CCDC171: variants seen among roughly 807,000 people sequenced by gnomAD.
The protein encoded by CCDC171 is coiled-coil domain-containing protein 171.
In CCDC171, 177 loss-of-function variants were observed where a neutral mutation model predicts 168.2. The ratio of observed to expected loss-of-function variants is 1.05; its 90% CI spans 0.93 to 1.19. The LOEUF (loss-of-function observed/expected upper bound fraction) is 1.19, where lower values mean the gene tolerates loss of function less well. Among genes scored for constraint, CCDC171 ranks in the 50% most tolerant of loss-of-function variants. The pLI, the probability that CCDC171 is intolerant of heterozygous loss-of-function variation, is 0.00. For missense variants in CCDC171, 1,991 were observed against 1,539.0 expected, an observed-to-expected ratio of 1.29 and a Z score of -4.91; for synonymous variants, 687 against 540.8, an observed-to-expected ratio of 1.27 and a Z score of -3.75.
At chr9:15,847,655 C>T (rs1230586212) in intron 22 of CCDC171, among the ~76,000 whole-genome samples, 1 of 152,004 alleles carries the variant, frequency 6.6e-6, no homozygotes, top group Non-Finnish European at 1.5e-5. Flanking sequence ...ATTTAGAATT[C>T]TGAATTTCTT....
At chr9:16,015,195 C>G (rs1027598823) in intron 3 of CCDC171, among the ~76,000 whole-genome samples, 3 of 152,188 alleles carry the variant, frequency 2.0e-5, no homozygotes, top group Non-Finnish European at 4.4e-5. Flanking sequence ...GCTGCAGCTT[C>G]TACGTCGGCA....
chr9:15,847,414 T>C (rs1216351026), intron 22 of CCDC171, among the ~76,000 whole-genome samples: 2 of 152,222 alleles, frequency 1.3e-5, no homozygotes, highest in African/African-American at 4.8e-5. Flanking sequence ...TAGACCACTA[T>C]GTAAATGTGA....
At chr9:15,864,228 A>G (rs576014964) in intron 23 of CCDC171, among the ~76,000 whole-genome samples, 14 of 152,152 alleles carry the variant, frequency 9.2e-5, no homozygotes, top group Non-Finnish European at 1.6e-4. Flanking sequence ...TTTTGCCAAC[A>G]TCAATCTCTA....
chr9:15,992,400 A>G (rs1472152802), intron 3 of CCDC171, among the ~76,000 whole-genome samples: 1 of 152,238 alleles, frequency 6.6e-6, no homozygotes, highest in Non-Finnish European at 1.5e-5. Flanking sequence ...ACAGCTCTTC[A>G]TGCTAAAAAC....
At chr9:15,869,621 G>A (rs2061945686) in intron 23 of CCDC171, among the ~76,000 whole-genome samples, 1 of 150,918 alleles carries the variant, frequency 6.6e-6, no homozygotes, top group Admixed American at 6.6e-5. Context: ...TCTCCAGTAT[G>A]CCTTTTCTAC....
the CCDC171 span, among the ~76,000 whole-genome samples, chr9:16,071,821 C>T: frequency 6.6e-6 from 1 of 152,162 alleles, no homozygotes; most frequent in Non-Finnish European, 1.5e-5. Flanking sequence ...AGTCTGAGAG[C>T]TCATTGGGAT....
chr9:15,694,781 C>G (rs532020103), intron 10 of CCDC171, among the ~76,000 whole-genome samples: 2 of 152,194 alleles, frequency 1.3e-5, no homozygotes, highest in East Asian at 3.8e-4. Flanking sequence ...TGTCAATACC[C>G]TAGACCAAAG....
At chr9:15,882,856 TTTTA>T (rs141024377) in intron 24 of CCDC171, among the ~76,000 whole-genome samples, 12,627 of 151,412 alleles carry the variant, frequency 0.083, 559 homozygotes, top group Middle Eastern at 0.1. Flanking sequence ...TTTCTAGGTT[TTTTA>T]TTTGTTTGTT....
At chr9:15,771,116 AT>A (rs2056990794) in intron 18 of CCDC171, among the ~76,000 whole-genome samples, 1 of 152,110 alleles carries the variant, frequency 6.6e-6, no homozygotes, top group Non-Finnish European at 1.5e-5. Context: ...TTTGATGAGT[AT>A]TTATTTTTTC....
chr9:15,757,082 A>C (rs2056168319), intron 18 of CCDC171, among the ~76,000 whole-genome samples: 1 of 152,210 alleles, frequency 6.6e-6, no homozygotes, highest in Non-Finnish European at 1.5e-5. Context: ...GTTGCTGAAA[A>C]GATACCTGAA....
intron 7 of CCDC171, among the ~76,000 whole-genome samples, chr9:15,629,640 A>G (rs1285153097): frequency 6.6e-6 from 1 of 152,196 alleles, no homozygotes; most frequent in Non-Finnish European, 1.5e-5. Flanking sequence ...CAATCTAGCA[A>G]GGCAGGCCAA....
chr9:15,940,639 C>G (rs1286971555), intron 25 of CCDC171, among the ~76,000 whole-genome samples: 3 of 151,970 alleles, frequency 2.0e-5, no homozygotes, highest in African/African-American at 7.2e-5. Context: ...TTCACTGTTA[C>G]TATAGCTTTA....
At chr9:15,730,132 A>C (rs910019273) in intron 16 of CCDC171, among the ~76,000 whole-genome samples, 5 of 151,908 alleles carry the variant, frequency 3.3e-5, no homozygotes, top group Non-Finnish European at 7.4e-5. Context: ...ATGTATTGTC[A>C]GTTTTAGTGT....
At chr9:15,658,751 A>G (rs933317267) in intron 8 of CCDC171, among the ~76,000 whole-genome samples, 1 of 152,026 alleles carries the variant, frequency 6.6e-6, no homozygotes, top group African/African-American at 2.4e-5. Context: ...GCAAGACAAG[A>G]TTTCTTCCCT....
the CCDC171 span, among the ~76,000 whole-genome samples, chr9:16,103,757 G>A: frequency 6.6e-6 from 1 of 152,180 alleles, no homozygotes; most frequent in Non-Finnish European, 1.5e-5. Flanking sequence ...GGCCATATCA[G>A]GATTAGCCCA....
chr9:15,904,425 C>G (rs1589063526), intron 24 of CCDC171, among the ~76,000 whole-genome samples: 1 of 151,992 alleles, frequency 6.6e-6, no homozygotes, highest in South Asian at 2.1e-4. Context: ...CCAAACTAAG[C>G]TTCATAAGTG....
intron 6 of CCDC171, among the ~76,000 whole-genome samples, chr9:15,596,767 C>T (rs1336330955): frequency 2.6e-5 from 4 of 151,984 alleles, no homozygotes; most frequent in Non-Finnish European, 4.4e-5. Context: ...TTGATTCTTC[C>T]TACCCATGAG....
intron 7 of CCDC171, among the ~76,000 whole-genome samples, chr9:15,650,309 T>C (rs2047409105): frequency 6.6e-6 from 1 of 152,012 alleles, no homozygotes. Context: ...AATGATGAGT[T>C]GATGGGTGCA....
chr9:15,875,863 T>C (rs1406853492), intron 24 of CCDC171: 3 of 152,058 alleles, frequency 2.0e-5, no homozygotes, highest in African/African-American at 7.2e-5. Context: ...TTTTCTTCTC[T>C]GTTATAGGGT....
Sources: gnomAD v4.1 joint callset for allele counts (sites outside exome capture counted in the v4.1 genomes callset) on GRCh38, gnomAD v4.1.1 for gene constraint, MANE v1.5 for transcripts, NCBI Gene and HGNC (gene_info 2026-07-23, HGNC 2026-07-21) for gene names.